The following AGBL4 variants were observed in gnomAD, a reference collection of about 807,000 sequenced individuals.
AGBL4 encodes the protein cytosolic carboxypeptidase 6.
A neutral mutation model predicts 66.4 loss-of-function variants in AGBL4; 58 were observed. That is an observed-to-expected ratio of 0.87 (90% CI 0.71 to 1.09). The LOEUF (loss-of-function observed/expected upper bound fraction) is 1.09. Ranked by LOEUF, AGBL4 falls within the 50% of genes least tolerant of loss-of-function variation. The probability of loss-of-function intolerance (pLI) is 0.00; values close to 1 mark genes in which losing one functional copy is unlikely to be tolerated. For missense variants in AGBL4, 579 were observed against 631.0 expected (o/e 0.92, Z 0.88); for synonymous variants, 234 against 222.9 (o/e 1.05, Z -0.44).
chr1:49,773,973 A>C (rs1304017743), intron 2 of AGBL4, among the ~76,000 whole-genome samples: 1 of 152,156 alleles, frequency 6.6e-6, no homozygotes, highest in Non-Finnish European at 1.5e-5. Context: ...ACCTATGTGA[A>C]TTTAGTGAAA....
intron 3 of AGBL4, among the ~76,000 whole-genome samples, chr1:49,261,299 T>C (rs991834834): frequency 2.0e-5 from 3 of 152,196 alleles, no homozygotes; most frequent in African/African-American, 7.2e-5. Context: ...GTGTTGGAAG[T>C]TCTGGCCAAG....
intron 1 of AGBL4, among the ~76,000 whole-genome samples, chr1:49,961,955 G>C (rs1196146205): frequency 6.6e-6 from 1 of 152,072 alleles, no homozygotes; most frequent in Non-Finnish European, 1.5e-5. Context: ...TCATTCTCTA[G>C]AATTCTTTTG....
At chr1:48,666,914 A>G (rs978075286) in intron 6 of AGBL4, among the ~76,000 whole-genome samples, 2 of 152,234 alleles carry the variant, frequency 1.3e-5, no homozygotes, top group Admixed American at 1.3e-4. Context: ...TGAAATATCT[A>G]CTATTCTTAG....
chr1:49,680,896 TCC>T (rs1646680377), intron 3 of AGBL4, among the ~76,000 whole-genome samples: 1 of 151,872 alleles, frequency 6.6e-6, no homozygotes, highest in African/African-American at 2.4e-5. Context: ...CTGTTGTTTT[TCC>T]TTTTTTTTTT....
chr1:48,744,638 A>T (rs1349134149), intron 6 of AGBL4, among the ~76,000 whole-genome samples: 1 of 152,200 alleles, frequency 6.6e-6, no homozygotes, highest in East Asian at 1.9e-4. Context: ...AATCCAGTAC[A>T]GCCGTAACTT....
At chr1:49,163,354 A>G (rs193197971) in intron 4 of AGBL4, among the ~76,000 whole-genome samples, 2 of 152,198 alleles carry the variant, frequency 1.3e-5, no homozygotes, top group East Asian at 1.9e-4. Context: ...ATTCTGGCAG[A>G]CTCTTACTCA....
At chr1:49,154,613 T>C (rs1211227678) in intron 4 of AGBL4, among the ~76,000 whole-genome samples, 2 of 152,154 alleles carry the variant, frequency 1.3e-5, no homozygotes, top group African/African-American at 4.8e-5. Context: ...CAGGCTTTAT[T>C]CTCAGAGGTA....
intron 2 of AGBL4, among the ~76,000 whole-genome samples, chr1:49,809,595 T>G (rs2147966806): frequency 6.6e-6 from 1 of 152,286 alleles, no homozygotes; most frequent in Admixed American, 6.5e-5. Context: ...CTGTACAACA[T>G]TATATCTATA....
At chr1:49,240,096 C>T (rs1433363400) in intron 4 of AGBL4, among the ~76,000 whole-genome samples, 1 of 151,746 alleles carries the variant, frequency 6.6e-6, no homozygotes, top group African/African-American at 2.4e-5. Context: ...AGAAAAGACA[C>T]CACTAATTTC....
chr1:48,910,101 T>C (rs1013102525), intron 5 of AGBL4, among the ~76,000 whole-genome samples: 1 of 152,194 alleles, frequency 6.6e-6, no homozygotes, highest in African/African-American at 2.4e-5. Flanking sequence ...TTAATGAATC[T>C]GAATTTTGTC....
At chr1:48,727,228 C>T (rs929337663) in intron 6 of AGBL4, among the ~76,000 whole-genome samples, 16 of 152,328 alleles carry the variant, frequency 1.1e-4, no homozygotes, top group African/African-American at 3.4e-4. Context: ...ATTATCACCC[C>T]GTCTTCACCC....
chr1:49,686,214 G>A (rs919338598), intron 3 of AGBL4, among the ~76,000 whole-genome samples: 1 of 152,128 alleles, frequency 6.6e-6, no homozygotes, highest in East Asian at 1.9e-4. Flanking sequence ...TTATAGATAT[G>A]TGGCTTTATT....
intron 1 of AGBL4, among the ~76,000 whole-genome samples, chr1:50,015,024 G>A (rs1373399490): frequency 6.6e-6 from 1 of 152,178 alleles, no homozygotes; most frequent in African/African-American, 2.4e-5. Flanking sequence ...GTTAATAGGT[G>A]TGCAATTTTA....
intron 11 of AGBL4, 28 bp from the exon 12 acceptor site, chr1:48,539,766 T>C: frequency 7.0e-7 from 1 of 1,436,728 alleles, no homozygotes; most frequent in South Asian, 1.4e-5. Flanking sequence ...AAGGAGCAAC[T>C]TCGAAAACAG....
At chr1:48,899,964 G>C (rs1651925052) in intron 5 of AGBL4, among the ~76,000 whole-genome samples, 1 of 152,176 alleles carries the variant, frequency 6.6e-6, no homozygotes, top group Admixed American at 6.5e-5. Flanking sequence ...AGGAATATCT[G>C]ATATAATTAG....
At chr1:49,766,064 G>T (rs141411655) in intron 2 of AGBL4, among the ~76,000 whole-genome samples, 1 of 152,112 alleles carries the variant, frequency 6.6e-6, no homozygotes, top group African/African-American at 2.4e-5. Context: ...AGAGGTAGCC[G>T]GATAAAAACT....
At chr1:49,482,156 G>A (rs1389631542) in intron 3 of AGBL4, among the ~76,000 whole-genome samples, 1 of 151,890 alleles carries the variant, frequency 6.6e-6, no homozygotes, top group African/African-American at 2.4e-5. Context: ...AGTTAGGGAG[G>A]AGTCAGTCCT....
intron 2 of AGBL4, among the ~76,000 whole-genome samples, chr1:49,800,083 C>T (rs1644822818): frequency 6.6e-6 from 1 of 152,130 alleles, no homozygotes; most frequent in African/African-American, 2.4e-5. Flanking sequence ...CTACTGTCTG[C>T]TTAGGGTATG....
At chr1:49,454,893 C>T (rs1646356056) in intron 3 of AGBL4, among the ~76,000 whole-genome samples, 1 of 151,622 alleles carries the variant, frequency 6.6e-6, no homozygotes, top group African/African-American at 2.4e-5. Context: ...TATGAATTTA[C>T]TGTCTTGCTA....
Sources: gnomAD v4.1 joint callset for allele counts (sites outside exome capture counted in the v4.1 genomes callset) on GRCh38, gnomAD v4.1.1 for gene constraint, MANE v1.5 for transcripts, NCBI Gene and HGNC (gene_info 2026-07-23, HGNC 2026-07-21) for gene names.